Variants in RNF180 observed in about 807,000 individuals in gnomAD.
RNF180 encodes E3 ubiquitin-protein ligase RNF180.
RNF180 carries 38 observed loss-of-function variants against 59.2 expected under a neutral mutation model. The ratio of observed to expected loss-of-function variants is 0.64; its 90% confidence interval spans 0.50 to 0.84. The LOEUF is 0.84. RNF180 is among the 40% of genes least tolerant of loss of function. The pLI, the probability that RNF180 is intolerant of heterozygous loss-of-function variation, is 0.00. For synonymous variants in RNF180, 262 were observed against 240.3 expected (o/e 1.09, Z -0.84); for missense variants, 705 against 700.9 (o/e 1.01, Z -0.07).
At chr5:64,297,892 G>A (rs1742965970) in intron 5 of RNF180, among the ~76,000 whole-genome samples, 1 of 151,822 alleles carries the variant, frequency 6.6e-6, no homozygotes, top group South Asian at 2.1e-4. Context: ...TATATAAAAG[G>A]ATATTTTCTC....
chr5:64,219,721 A>G (rs563741019), intron 5 of RNF180, among the ~76,000 whole-genome samples: 1 of 151,468 alleles, frequency 6.6e-6, no homozygotes. Context: ...GGGTTTCACC[A>G]TGTTGGCCAG....
At chr5:64,346,835 C>T (rs989022069) in intron 7 of RNF180, among the ~76,000 whole-genome samples, 2 of 152,102 alleles carry the variant, frequency 1.3e-5, no homozygotes, top group African/African-American at 4.8e-5. Context: ...TTTATGATTA[C>T]ACTGCTCTAA....
intron 5 of RNF180, among the ~76,000 whole-genome samples, chr5:64,243,984 C>A (rs910309218): frequency 5.3e-5 from 8 of 152,074 alleles, no homozygotes; most frequent in African/African-American, 1.7e-4. Context: ...CTCCAGCAGA[C>A]CTGCAGCAGA....
chr5:64,198,941 A>G (rs747014053), intron 1 of RNF180, among the ~76,000 whole-genome samples: 2 of 151,908 alleles, frequency 1.3e-5, no homozygotes, highest in African/African-American at 2.4e-5. Context: ...TCAGCCTCCC[A>G]AGTAGCTGGG....
chr5:64,337,818 C>A (rs1263829070), intron 7 of RNF180, among the ~76,000 whole-genome samples: 2 of 152,080 alleles, frequency 1.3e-5, no homozygotes, highest in South Asian at 2.1e-4. Flanking sequence ...CATCCATGTC[C>A]CTACAAAGGA....
At chr5:64,250,692 A>G (rs1743510820) in intron 5 of RNF180, among the ~76,000 whole-genome samples, 1 of 152,158 alleles carries the variant, frequency 6.6e-6, no homozygotes, top group African/African-American at 2.4e-5. Context: ...CATACAACCT[A>G]CCAAGCCTAA....
chr5:64,359,611 T>A (rs1430523749), intron 7 of RNF180, among the ~76,000 whole-genome samples: 1 of 151,848 alleles, frequency 6.6e-6, no homozygotes, highest in Non-Finnish European at 1.5e-5. Context: ...TGGTAGTTTC[T>A]TTTGCTGTGC....
intron 5 of RNF180, among the ~76,000 whole-genome samples, chr5:64,250,942 A>G (rs774079891): frequency 2.6e-5 from 4 of 152,198 alleles, no homozygotes; most frequent in Non-Finnish European, 5.9e-5. Context: ...TGACGAACAT[A>G]GATGCAAAAA....
intron 5 of RNF180, among the ~76,000 whole-genome samples, chr5:64,231,911 A>G (rs1329030987): frequency 2.6e-5 from 4 of 152,190 alleles, no homozygotes; most frequent in Admixed American, 6.5e-5. Context: ...CACACTTGAA[A>G]TTATAGGAAA....
intron 5 of RNF180, among the ~76,000 whole-genome samples, chr5:64,260,701 A>T (rs1392724170): frequency 1.3e-5 from 2 of 152,174 alleles, no homozygotes; most frequent in Non-Finnish European, 2.9e-5. Flanking sequence ...TTAGGGTTGA[A>T]CCATGGTTCT....
intron 5 of RNF180, among the ~76,000 whole-genome samples, chr5:64,238,072 A>G (rs1742560993): frequency 1.3e-5 from 2 of 152,228 alleles, no homozygotes; most frequent in South Asian, 2.1e-4. Flanking sequence ...TAGATACCTC[A>G]TATAAGTGGA....
At chr5:64,291,712 C>T (rs895628317) in intron 5 of RNF180, among the ~76,000 whole-genome samples, 18 of 152,054 alleles carry the variant, frequency 1.2e-4, no homozygotes, top group African/African-American at 4.3e-4. Context: ...CAGGCGTGAG[C>T]CACCGTGCCC....
At chr5:64,276,319 GGTGT>G (rs375203511) in intron 5 of RNF180, among the ~76,000 whole-genome samples, 3,901 of 138,114 alleles carry the variant, frequency 0.028, 95 homozygotes, top group African/African-American at 0.072. Flanking sequence ...AAAATACATT[GGTGT>G]GTGTGTGTGT....
At chr5:64,234,119 T>C (rs1000116661) in intron 5 of RNF180, among the ~76,000 whole-genome samples, 1 of 152,224 alleles carries the variant, frequency 6.6e-6, no homozygotes, top group African/African-American at 2.4e-5. Flanking sequence ...GTTTACTACC[T>C]TGTCCACAGA....
chr5:64,340,764 T>A (rs906022893), intron 7 of RNF180, among the ~76,000 whole-genome samples: 1 of 152,256 alleles, frequency 6.6e-6, no homozygotes, highest in Non-Finnish European at 1.5e-5. Flanking sequence ...TTACACAGTT[T>A]ACTTATGAGT....
intron 2 of RNF180, among the ~76,000 whole-genome samples, chr5:64,203,585 A>T (rs1235859870): frequency 6.6e-6 from 1 of 152,142 alleles, no homozygotes; most frequent in Non-Finnish European, 1.5e-5. Context: ...AAAATACCTT[A>T]TAAAGTAAAA....
intron 5 of RNF180, among the ~76,000 whole-genome samples, chr5:64,225,559 G>A (rs1245570634): frequency 1.9e-4 from 26 of 136,858 alleles, no homozygotes; most frequent in Non-Finnish European, 1.8e-4. Flanking sequence ...CCTCTGCCTG[G>A]CTGCCCCGTC....
At chr5:64,358,310 G>A (rs1337348856) in intron 7 of RNF180, among the ~76,000 whole-genome samples, 2 of 151,368 alleles carry the variant, frequency 1.3e-5, no homozygotes, top group Admixed American at 6.6e-5. Context: ...ACTTTCATTG[G>A]ACAATCATTT....
chr5:64,291,287 C>T (rs1742565646), intron 5 of RNF180, among the ~76,000 whole-genome samples: 1 of 151,812 alleles, frequency 6.6e-6, no homozygotes, highest in South Asian at 2.1e-4. Context: ...CTTAGATAAT[C>T]TGATGATTAT....
Sources: gnomAD v4.1 joint callset for allele counts (sites outside exome capture counted in the v4.1 genomes callset) on GRCh38, gnomAD v4.1.1 for gene constraint, MANE v1.5 for transcripts, NCBI Gene and HGNC (gene_info 2026-07-23, HGNC 2026-07-21) for gene names.